The following KIAA1217 variants were observed in gnomAD, a reference collection of about 807,000 sequenced individuals.
KIAA1217 encodes the protein KIAA1217.
In KIAA1217, 88 loss-of-function variants were observed where a neutral mutation model predicts 163.9. The ratio of observed to expected loss-of-function variants is 0.54; its 90% CI spans 0.45 to 0.64. The LOEUF (loss-of-function observed/expected upper bound fraction) is 0.64. Among genes scored for constraint, KIAA1217 ranks in the 30% least tolerant of loss-of-function variants. KIAA1217 has a pLI of 0.00. For synonymous variants in KIAA1217, 903 were observed against 923.1 expected (o/e 0.98, Z 0.39); for missense variants, 2,372 against 2,475.0 (o/e 0.96, Z 0.88).
In KIAA1217 at chr10:24,380,958, G is replaced by A. The variant is rs531305542; in HGVS notation, c.444G>A (p.Leu148=). 6.2e-7 allele frequency: 1 copy of A among 1,608,904 alleles called. No homozygotes were observed. The highest frequency in any genetic ancestry group is 2.2e-5 in the East Asian group (1 of 44,602). Residue 148 remains leucine (L), a synonymous_variant, in exon 3 of 21, where the codon TTG becomes TTA. Transcript: ENST00000376454. ...EHLSETSADS[L]EAMSEGDAPT... ...TATCAGAGACGTCCGCTGATTCTTTGGAAGCCATGTCTGAGGGGGATGCTC... is the reference window on the plus strand; with the variant it reads ...TATCAGAGACGTCCGCTGATTCTTTAGAAGCCATGTCTGAGGGGGATGCTC...
intron 1 of KIAA1217, among the ~76,000 whole-genome samples, chr10:23,830,933 C>T (rs1838162791): frequency 1.3e-5 from 2 of 151,854 alleles, no homozygotes. Flanking sequence ...CTAGAAGTCT[C>T]TCCAAATGCC....
intron 2 of KIAA1217, among the ~76,000 whole-genome samples, chr10:24,018,274 T>C (rs1019324326): frequency 2.0e-5 from 3 of 152,110 alleles, no homozygotes; most frequent in African/African-American, 4.8e-5. Flanking sequence ...ACCTAGAATA[T>C]GTAAGTTTGA....
chr10:23,905,711 A>C (rs964815212), intron 1 of KIAA1217, among the ~76,000 whole-genome samples: 20 of 152,116 alleles, frequency 1.3e-4, no homozygotes, highest in African/African-American at 4.6e-4. Context: ...AGAGGAGTTG[A>C]GGACTATATC....
chr10:24,439,290 A>G (rs185254040), intron 5 of KIAA1217, among the ~76,000 whole-genome samples: 1 of 152,220 alleles, frequency 6.6e-6, no homozygotes, highest in Admixed American at 6.6e-5. Flanking sequence ...ACACACACAC[A>G]TTTGGAAGAC....
chr10:24,373,102 T>C (rs934619711), intron 2 of KIAA1217, among the ~76,000 whole-genome samples: 3 of 152,198 alleles, frequency 2.0e-5, no homozygotes, highest in Admixed American at 6.5e-5. Context: ...AGTGAATTGC[T>C]TTCTGTGCAG....
intron 1 of KIAA1217, among the ~76,000 whole-genome samples, chr10:23,860,846 T>A (rs1278150673): frequency 6.6e-6 from 1 of 152,088 alleles, no homozygotes; most frequent in Non-Finnish European, 1.5e-5. Context: ...TTTTTCTTTT[T>A]TTCTATTTTG....
At chr10:24,033,159 T>C (rs1196517402) in intron 2 of KIAA1217, among the ~76,000 whole-genome samples, 1 of 152,204 alleles carries the variant, frequency 6.6e-6, no homozygotes, top group Non-Finnish European at 1.5e-5. Flanking sequence ...CACAGATGGG[T>C]GACATCATGG....
chr10:23,719,237 C>T (rs1488323377), intron 1 of KIAA1217, among the ~76,000 whole-genome samples: 1 of 152,146 alleles, frequency 6.6e-6, no homozygotes, highest in Admixed American at 6.6e-5. Flanking sequence ...AAATGAAGCA[C>T]TGATACATGC....
chr10:23,814,257 T>C (rs1264834217), intron 1 of KIAA1217, among the ~76,000 whole-genome samples: 2 of 152,138 alleles, frequency 1.3e-5, no homozygotes, highest in East Asian at 3.9e-4. Flanking sequence ...GAGTGGATCA[T>C]TCTGCTCCTA....
At chr10:24,523,406 T>A (rs1267908179) in intron 12 of KIAA1217, among the ~76,000 whole-genome samples, 1 of 152,002 alleles carries the variant, frequency 6.6e-6, no homozygotes, top group Non-Finnish European at 1.5e-5. Context: ...TCTAAGAATC[T>A]AAGGGATTGG....
chr10:24,407,694 A>G (rs1417521991), intron 3 of KIAA1217, among the ~76,000 whole-genome samples: 1 of 152,144 alleles, frequency 6.6e-6, no homozygotes, highest in Non-Finnish European at 1.5e-5. Context: ...TGGCCATAAT[A>G]TTCTAAAATG....
intron 10 of KIAA1217, 52 bp from the exon 11 acceptor site, chr10:24,520,071 C>A: frequency 6.4e-7 from 1 of 1,560,282 alleles, no homozygotes; most frequent in South Asian, 1.2e-5. Context: ...CCTCCTCTTC[C>A]TCTGTGAGGC....
intron 1 of KIAA1217, among the ~76,000 whole-genome samples, chr10:23,949,077 G>A (rs1289222007): frequency 6.6e-6 from 1 of 152,198 alleles, no homozygotes; most frequent in East Asian, 1.9e-4. Flanking sequence ...GAGAGAACTG[G>A]CGGAATCAGA....
At chr10:24,446,459 A>T (rs1035171666) in intron 5 of KIAA1217, among the ~76,000 whole-genome samples, 5 of 152,190 alleles carry the variant, frequency 3.3e-5, no homozygotes, top group African/African-American at 1.2e-4. Flanking sequence ...GTGTGTCTGC[A>T]GTGGCCACTG....
intron 2 of KIAA1217, among the ~76,000 whole-genome samples, chr10:24,046,179 T>A (rs916825223): frequency 2.6e-5 from 4 of 152,134 alleles, no homozygotes; most frequent in African/African-American, 9.7e-5. Flanking sequence ...ATATACTGAC[T>A]TCAACCTTGG....
intron 2 of KIAA1217, among the ~76,000 whole-genome samples, chr10:24,082,678 C>T (rs996334164): frequency 3.9e-5 from 6 of 152,144 alleles, no homozygotes; most frequent in Non-Finnish European, 7.3e-5. Flanking sequence ...CACATCTTTG[C>T]TATTGTGAAT....
At chr10:24,410,133 A>G (rs2057630844) in intron 3 of KIAA1217, among the ~76,000 whole-genome samples, 1 of 151,166 alleles carries the variant, frequency 6.6e-6, no homozygotes, top group African/African-American at 2.4e-5. Flanking sequence ...AGTAGCTGCA[A>G]TTACAGGCAC....
chr10:24,298,427 G>A (rs1196028014), intron 2 of KIAA1217, among the ~76,000 whole-genome samples: 2 of 152,070 alleles, frequency 1.3e-5, no homozygotes, highest in Non-Finnish European at 2.9e-5. Flanking sequence ...TTACTGGCAT[G>A]GACAGCCTCA....
intron 2 of KIAA1217, among the ~76,000 whole-genome samples, chr10:24,073,109 C>G (rs2061246653): frequency 6.6e-6 from 1 of 150,508 alleles, no homozygotes; most frequent in Admixed American, 6.7e-5. Context: ...GCTTTTCAAA[C>G]ATATTAGCAG....
Sources: allele counts gnomAD v4.1 joint callset (sites outside exome capture counted in the v4.1 genomes callset), GRCh38; gene constraint gnomAD v4.1.1; transcripts MANE v1.5; gene names NCBI Gene and HGNC (gene_info 2026-07-23, HGNC 2026-07-21).